The following DCK variants were observed in gnomAD, a reference collection of about 807,000 sequenced individuals.
DCK encodes the protein deoxyadenosine kinase.
DCK carries 23 observed loss-of-function variants against 38.3 expected under a neutral mutation model. That is an observed-to-expected ratio of 0.60 (90% confidence interval 0.43 to 0.85). DCK has a LOEUF of 0.85. DCK is among the 40% of genes least tolerant of loss of function. DCK has a pLI of 0.00. For missense variants in DCK, 259 were observed against 304.4 expected, an observed-to-expected ratio of 0.85 and a Z score of 1.11; for synonymous variants, 108 against 100.6, an observed-to-expected ratio of 1.07 and a Z score of -0.44.
intron 6 of DCK, 102 bp from the exon 7 acceptor site, chr4:71,029,250 G>T (rs1456934501): frequency 3.0e-6 from 2 of 673,266 alleles, no homozygotes; most frequent in East Asian, 2.9e-5. Flanking sequence ...TACTTATACA[G>T]CTGGGGTCTT....
intron 1 of DCK, 52 bp from the exon 2 acceptor site, chr4:70,998,015 T>C: frequency 1.1e-6 from 1 of 927,668 alleles, no homozygotes; most frequent in Non-Finnish European, 1.7e-6. Context: ...CTACTTGACA[T>C]CTTTTTTTCC....
Position 71,023,800 on chromosome 4 carries a change from C to T in DCK, c.549+94C>T, listed in dbSNP as rs542646281. On this transcript the variant is annotated intron_variant, in intron 4 of 6. Coordinates refer to ENST00000286648, the MANE Select transcript of DCK (RefSeq NM_000788.3). Reference sequence around the variant, plus strand: ...ATAATGAGGGCAATTTAGTTTAACTCCAGCCTCCCAACCTCCCACTCCCCA... The same window carrying T: ...ATAATGAGGGCAATTTAGTTTAACTTCAGCCTCCCAACCTCCCACTCCCCA... The T allele has an allele frequency of 7.0e-6, 8 of 1,150,766 alleles. No individual in the cohort carries two copies. In the African/African-American group the frequency reaches 8.0e-5, roughly 11 times the overall value. The allele number at this position is 1,150,766 out of a possible 1,614,324, so 71.3% of individuals were successfully genotyped here.
intron 2 of DCK, among the ~76,000 whole-genome samples, chr4:71,012,594 C>T (rs1446059131): frequency 6.6e-6 from 1 of 152,224 alleles, no homozygotes; most frequent in Non-Finnish European, 1.5e-5. Context: ...CAGGCAGCAA[C>T]AATTGCTGTT....
chr4:71,002,095 C>T (rs890048397), intron 2 of DCK, among the ~76,000 whole-genome samples: 3 of 152,160 alleles, frequency 2.0e-5, no homozygotes, highest in Admixed American at 6.5e-5. Flanking sequence ...CCTGCTTTCT[C>T]ATGTGGGCAC....
At chr4:71,009,344 A>G (rs1311024805) in intron 2 of DCK, among the ~76,000 whole-genome samples, 1 of 152,234 alleles carries the variant, frequency 6.6e-6, no homozygotes, top group East Asian at 1.9e-4. Context: ...GCTTTCGTAT[A>G]TAAGACAAGA....
Position 71,022,540 on chromosome 4 carries a change from A to G in DCK, c.381A>G (p.Glu127=). Residue 127 remains glutamate, a synonymous_variant, in exon 3 of 7, where the codon GAA becomes GAG. Coordinates refer to ENST00000286648, the MANE Select transcript of DCK (RefSeq NM_000788.3). ...CAGAGAAACCTGTATTATTTTTTGA[A>G]CGATCTGTGTATAGTGACAGGTATG... ...KDAEKPVLFF[E]RSVYSDRYIF... 6.3e-7 allele frequency: 1 copy of G among 1,591,652 alleles called. No individual in the cohort carries two copies. Among genetic ancestry groups the G allele is most frequent in the African/African-American group, 1.4e-5 (1 of 73,958 alleles).
At chr4:71,004,200 C>T (rs1443576374) in intron 2 of DCK, among the ~76,000 whole-genome samples, 1 of 152,200 alleles carries the variant, frequency 6.6e-6, no homozygotes, top group Non-Finnish European at 1.5e-5. Context: ...TAGTTTCCTT[C>T]TAACAGTCAG....
intron 2 of DCK, among the ~76,000 whole-genome samples, chr4:71,003,207 C>T (rs1046773297): frequency 6.6e-6 from 1 of 152,138 alleles, no homozygotes; most frequent in African/African-American, 2.4e-5. Flanking sequence ...ATTTCTCCTT[C>T]ACTTATGAAG....
At position 71,030,894 on chromosome 4, in the gene DCK, T is replaced by C. The variant is rs1740675920; in HGVS notation, c.*1516T>C. ...AAAAGACGCTAATAAAAATTTATTA[T>C]TTATTTGTCATGACTCAAAAGTTGT... is the stretch of plus-strand genomic sequence containing the variant. On this transcript the variant is annotated 3_prime_UTR_variant, in exon 7 of 7. Transcript: ENST00000286648. 2.0e-5 allele frequency: 3 copies of C among 152,220 alleles called. No homozygotes were observed. Among genetic ancestry groups the C allele is most frequent in the African/African-American group, 7.2e-5 (3 of 41,462 alleles). 9.4% of individuals were successfully genotyped at this position (152,220 alleles called of 1,614,324 possible). A position where few individuals can be genotyped will look rare whatever the true frequency, so the allele number is the denominator to read the frequency against.
At position 71,022,440 on chromosome 4, in the gene DCK, T is replaced by C. The variant is rs1401003505; in HGVS notation, c.281T>C (p.Phe94Ser). 6.2e-7 allele frequency: 1 copy of C among 1,610,352 alleles called. No homozygotes were observed. Among genetic ancestry groups the C allele is most frequent in the African/African-American group, 1.3e-5 (1 of 74,800 alleles). The change falls in exon 3 of 7, where the codon TTT (phenylalanine) becomes TCT (serine). Residue 94 changes from phenylalanine (F) to serine (S), a missense_variant. Coordinates refer to ENST00000286648, the MANE Select transcript of DCK (RefSeq NM_000788.3). ...TATGAGAAACCTGAACGATGGTCTT[T>C]TACCTTCCAAACATATGCCTGTCTC... ...MMYEKPERWSFTFQTYACLSR... is the reference protein window; with the variant it reads ...MMYEKPERWSSTFQTYACLSR...
At chr4:71,005,673 A>AT (rs927095198) in intron 2 of DCK, among the ~76,000 whole-genome samples, 3 of 150,808 alleles carry the variant, frequency 2.0e-5, no homozygotes, top group Admixed American at 6.6e-5. Context: ...TGCCTGGCTA[A>AT]TTTTTTTTAC....
chr4:71,001,565 C>T (rs977819737), intron 2 of DCK, among the ~76,000 whole-genome samples: 2 of 152,086 alleles, frequency 1.3e-5, no homozygotes, highest in African/African-American at 4.8e-5. Flanking sequence ...GGAATAGTAC[C>T]AGTTCCTCTT....
chr4:70,996,457 G>T (rs1459541963), intron 1 of DCK, among the ~76,000 whole-genome samples: 1 of 152,146 alleles, frequency 6.6e-6, no homozygotes, highest in Non-Finnish European at 1.5e-5. Flanking sequence ...AAAATCTGAA[G>T]ATCTGTTAAC....
At chr4:71,025,481 T>A (rs1740525386) in intron 4 of DCK, among the ~76,000 whole-genome samples, 1 of 152,150 alleles carries the variant, frequency 6.6e-6, no homozygotes, top group African/African-American at 2.4e-5. Context: ...AGTAAGATTA[T>A]GTTTATAGAT....
intron 2 of DCK, among the ~76,000 whole-genome samples, chr4:71,014,653 C>T (rs1477120290): frequency 1.3e-5 from 2 of 152,196 alleles, no homozygotes; most frequent in Non-Finnish European, 2.9e-5. Context: ...AGCTGAATAA[C>T]CTGCTCCTGA....
At chr4:71,027,526 T>C (rs956005459) in intron 6 of DCK, among the ~76,000 whole-genome samples, 1 of 152,138 alleles carries the variant, frequency 6.6e-6, no homozygotes, top group Non-Finnish European at 1.5e-5. Flanking sequence ...AACTGAGTGA[T>C]TAAGCTATAA....
At chr4:70,994,959 T>A (rs67461688) in intron 1 of DCK, among the ~76,000 whole-genome samples, 406 of 152,140 alleles carry the variant, frequency 2.7e-3, no homozygotes, top group Non-Finnish European at 3.7e-3. Flanking sequence ...TAAAAAAAAA[T>A]TTTTTTAGCT....
rs114052509 is a variant in DCK at position 71,007,776 on chromosome 4, C to T, written c.207+9594C>T. ...CTGTTGCCCAGGTAAAGTGCAGTGG[C>T]GCAGCCATGGTTCACTGCAGCCTCA... On this transcript the variant is annotated intron_variant, in intron 2 of 6. Transcript: ENST00000286648. Among the ~76,000 whole-genome samples, 1,256 of 152,292 alleles carry T rather than the reference C, an allele frequency of 8.2e-3. 9 individuals carry two copies. The highest frequency in any genetic ancestry group is 0.029 in the African/African-American group (1,194 of 41,560).
chr4:71,000,019 T>C (rs1739762971), intron 2 of DCK, among the ~76,000 whole-genome samples: 2 of 152,184 alleles, frequency 1.3e-5, no homozygotes, highest in East Asian at 1.9e-4. Flanking sequence ...AGAAGCTCCT[T>C]AGTTTAATTA....
Sources: gnomAD v4.1 joint callset for allele counts (sites outside exome capture counted in the v4.1 genomes callset) on GRCh38, gnomAD v4.1.1 for gene constraint, MANE v1.5 for transcripts, NCBI Gene and HGNC (gene_info 2026-07-23, HGNC 2026-07-21) for gene names.